Variants in MTSS2 observed in about 807,000 individuals in gnomAD.
MTSS2 encodes protein MTSS 2.
MTSS2 carries 27 observed loss-of-function variants against 67.1 expected under a neutral mutation model. The observed-to-expected ratio is 0.40, with a 90% CI of 0.30 to 0.55. MTSS2 has a LOEUF of 0.55. MTSS2 is among the 20% of genes least tolerant of loss of function. The pLI is 0.43. For synonymous variants in MTSS2, 624 were observed against 468.6 expected (o/e 1.33, Z -4.28); for missense variants, 1,171 against 1,067.8 (o/e 1.10, Z -1.35).
intron 11 of MTSS2, among the ~76,000 whole-genome samples, chr16:70,668,535 A>G (rs1254284161): frequency 6.6e-6 from 1 of 152,242 alleles, no homozygotes; most frequent in African/African-American, 2.4e-5. Flanking sequence ...ACACACCTAC[A>G]GACACCTGAC....
chr16:70,665,650 A>G lies in MTSS2; in HGVS notation c.1054-110T>C. 2.2e-6 allele frequency: 2 copies of G among 908,002 alleles called. 1 individual carries two copies. The highest frequency in any genetic ancestry group is 3.3e-5 in the African/African-American group (2 of 60,544). The allele number at this position is 908,002 out of a possible 1,614,324, so 56.2% of individuals were successfully genotyped here. On this transcript the variant is annotated intron_variant, in intron 11 of 14. Transcript: ENST00000338779. ...GAGCTGGCATGCAGGGGGGCGGTTC[A>G]ATTCAGCGCCTTGCCCAGCACCCAC...
At position 70,679,800 on chromosome 16, in the gene MTSS2, T is replaced by C; in HGVS notation, c.368A>G (p.Lys123Arg). 1 of 1,610,940 alleles carries C rather than the reference T, an allele frequency of 6.2e-7. No individual in the cohort carries two copies. Among genetic ancestry groups the C allele is most frequent in the Non-Finnish European group, 8.5e-7 (1 of 1,179,640 alleles). Residue 123 changes from lysine to arginine, a missense_variant, in exon 5 of 15, where the codon AAG (lysine) becomes AGG (arginine). This residue lies in a region of MTSS2 where 247 missense variants were observed against 311.8 expected (regional missense o/e 0.79). Coordinates refer to ENST00000338779, the MANE Select transcript of MTSS2 (RefSeq NM_138383.3). ...GCCACCCTCACCTTTCGCGTGGTCC[T>C]TGTCCAGCTGGTTGGCCGCCTTCTT... Reference protein sequence around the residue: ...DWKKAANQLDKDHAKEYKRAR... With the variant: ...DWKKAANQLDRDHAKEYKRAR...
intron 11 of MTSS2, among the ~76,000 whole-genome samples, chr16:70,672,048 A>C (rs765890475): frequency 5.1e-4 from 78 of 152,194 alleles, no homozygotes; most frequent in African/African-American, 9.7e-4. Context: ...ACCAACACGA[A>C]ACACTATGTA....
chr16:70,665,366 C>T, intron 12 of MTSS2, 100 bp downstream of exon 12: 1 of 1,299,616 alleles, frequency 7.7e-7, no homozygotes, highest in Non-Finnish European at 1.1e-6. Context: ...GCACCCCTGG[C>T]TGAACCCAGG....
In MTSS2 at chr16:70,665,644, C is replaced by T. The variant is rs149207938; in HGVS notation, c.1054-104G>A. ...GTCACAGAGCTGGCATGCAGGGGGG[C>T]GGTTCAATTCAGCGCCTTGCCCAGC... On this transcript the variant is annotated intron_variant, in intron 11 of 14. Coordinates refer to ENST00000338779, the MANE Select transcript of MTSS2 (RefSeq NM_138383.3). 7.8e-3 allele frequency: 7,597 copies of T among 975,344 alleles called. 38 individuals carry two copies. The highest frequency in any genetic ancestry group is 9.9e-3 in the Non-Finnish European group (6,518 of 661,710). 60.4% of individuals were successfully genotyped at this position (975,344 alleles called of 1,614,324 possible).
chr16:70,664,925 C>T lies in MTSS2; in HGVS notation c.1300G>A (p.Ala434Thr). The T allele has an allele frequency of 1.3e-6, 2 of 1,546,876 alleles. No homozygotes were observed. The highest frequency in any genetic ancestry group is 1.7e-6 in the Non-Finnish European group (2 of 1,151,630). ...RPRMSPATIA[A>T]KHGEEVSPAA... ...GGGGGCCCTGGCCAGCCTACCTTGG[C>T]TGCGATGGTGGCAGGGGACATCCGG... is the stretch of plus-strand genomic sequence containing the variant. The change falls in exon 13 of 15, where the codon GCC becomes ACC. Residue 434 changes from alanine to threonine, a missense_variant. Ala to Thr is a moderately conservative substitution (Grantham distance 58). This residue lies in a region of MTSS2 where 924 missense variants were observed against 756.0 expected (regional missense o/e 1.22). Coordinates refer to ENST00000338779, the MANE Select transcript of MTSS2 (RefSeq NM_138383.3).
At position 70,678,313 on chromosome 16, in the gene MTSS2, C is replaced by A; in HGVS notation, c.563G>T (p.Arg188Leu). The A allele has an allele frequency of 6.2e-7, 1 of 1,612,626 alleles. No homozygotes were observed. The highest frequency in any genetic ancestry group is 8.5e-7 in the Non-Finnish European group (1 of 1,179,992). Reference protein sequence around the residue: ...LEETEKQAVRRALIEERGRFC... With the variant: ...LEETEKQAVRLALIEERGRFC... ...GCGGCCCCGCTCCTCGATCAGCGCCCGGCGCACGGCCTGCTTCTCCGTCTC... is the reference window on the plus strand; with the variant it reads ...GCGGCCCCGCTCCTCGATCAGCGCCAGGCGCACGGCCTGCTTCTCCGTCTC... The change falls in exon 8 of 15, where the codon CGG becomes CTG. Residue 188 changes from arginine to leucine, a missense_variant. Arg to Leu is a moderately radical substitution (Grantham distance 102, BLOSUM62 -2). This residue lies in a region of MTSS2 where 247 missense variants were observed against 311.8 expected (regional missense o/e 0.79). Coordinates refer to ENST00000338779, the MANE Select transcript of MTSS2 (RefSeq NM_138383.3).
Position 70,676,733 on chromosome 16 carries a change from C to T in MTSS2, c.830+148G>A. The T allele has an allele frequency of 6.0e-6, 4 of 666,686 alleles. No homozygotes were observed. The South Asian group carries it at 7.3e-5, about 12-fold the overall frequency. The allele number at this position is 666,686 out of a possible 1,614,324, so 41.3% of individuals were successfully genotyped here. ...GTCTTGGGATGACAGGGCACATTTT[C>T]CCTCTACATATGCAAATTCCTCGGA... On this transcript the variant is annotated intron_variant, in intron 10 of 14. Coordinates refer to ENST00000338779, the MANE Select transcript of MTSS2 (RefSeq NM_138383.3).
chr16:70,665,721 A>C (rs763827700), intron 11 of MTSS2, 181 bp from the exon 12 acceptor site: 2 of 562,340 alleles, frequency 3.6e-6, no homozygotes, highest in Non-Finnish European at 6.3e-6. Context: ...GCAGCAGCAC[A>C]CAGCAGCCCA....
chr16:70,669,561 A>G (rs2052848599), intron 11 of MTSS2, among the ~76,000 whole-genome samples: 1 of 152,104 alleles, frequency 6.6e-6, no homozygotes, highest in Non-Finnish European at 1.5e-5. Flanking sequence ...CATGCCTGTA[A>G]TCCCAGCACT....
intron 11 of MTSS2, among the ~76,000 whole-genome samples, chr16:70,670,131 T>A (rs774220508): frequency 6.6e-6 from 1 of 151,682 alleles, no homozygotes; most frequent in Non-Finnish European, 1.5e-5. Context: ...ATTAGCCAGG[T>A]GTGGTGGCAT....
chr16:70,663,512 G>GT lies in MTSS2; in HGVS notation c.*164dup. On this transcript the variant is annotated 3_prime_UTR_variant, in exon 15 of 15. Coordinates refer to ENST00000338779, the MANE Select transcript of MTSS2 (RefSeq NM_138383.3). Reference sequence around the variant, plus strand: ...CAGGCTTGCTAAGAAGTCACTTCCTGTTTAAATGCTGGAATCCAAGTGAGG... The same window carrying GT: ...CAGGCTTGCTAAGAAGTCACTTCCTGTTTTAAATGCTGGAATCCAAGTGAGG... 7.6e-7 allele frequency: 1 copy of GT among 1,318,004 alleles called. No homozygotes were observed. The highest frequency in any genetic ancestry group is 1.6e-5 in the South Asian group (1 of 63,970). 81.6% of individuals were successfully genotyped at this position (1,318,004 alleles called of 1,614,324 possible). A position where few individuals can be genotyped will look rare whatever the true frequency, so the allele number is the denominator to read the frequency against.
chr16:70,664,531 G>T, intron 14 of MTSS2, 67 bp downstream of exon 14: 1 of 1,580,406 alleles, frequency 6.3e-7, no homozygotes. Context: ...AGAGGGGGAA[G>T]GACGGGGCCC....
chr16:70,667,856 G>C (rs1353695934), intron 11 of MTSS2, among the ~76,000 whole-genome samples: 1 of 152,028 alleles, frequency 6.6e-6, no homozygotes, highest in African/African-American at 2.4e-5. Context: ...CTGGGTGACA[G>C]AGTGAGACTC....
Position 70,674,317 on chromosome 16 carries a change from T to A in MTSS2, c.1042A>T (p.Ile348Phe). ...SKPPSPMPSD[I>F]TSQKSSSSAS... ...TAACGCCCCCTCACCTGGCTGGTGA[T>A]GTCTGAAGGCATAGGCGAGGGGGGC... The change falls in exon 11 of 15, where the codon ATC becomes TTC. Residue 348 changes from isoleucine to phenylalanine, a missense_variant. By Grantham distance (21) the Ile-to-Phe change is conservative. Around this residue, in one of 2 missense-constraint regions of MTSS2, gnomAD observed 924 missense variants for 756.0 expected, o/e 1.22. Transcript: ENST00000338779. The A allele has an allele frequency of 1.2e-6, 2 of 1,613,592 alleles. No individual in the cohort carries two copies. Among genetic ancestry groups the A allele is most frequent in the Non-Finnish European group, 1.7e-6 (2 of 1,179,916 alleles).
chr16:70,665,748 C>T (rs1232936494), intron 11 of MTSS2: 9 of 498,968 alleles, frequency 1.8e-5, no homozygotes, highest in East Asian at 3.4e-5. Context: ...ACACGGTGAA[C>T]GCTGACCCAC....
chr16:70,666,797 A>G (rs1249619553), intron 11 of MTSS2, among the ~76,000 whole-genome samples: 1 of 152,250 alleles, frequency 6.6e-6, no homozygotes, highest in Non-Finnish European at 1.5e-5. Context: ...AAAACAATAC[A>G]AAGACACAAG....
rs761465838 is a variant in MTSS2 at position 70,679,850 on chromosome 16, C to A, written c.318G>T (p.Pro106=). ...TCCAGTCCTCGATGCGCTCCTGCAG[C>A]GGGTTGATGAGGCTCTCCAGCAGTG... is the stretch of plus-strand genomic sequence containing the variant. ...TNALLESLIN[P]LQERIEDWKK... is the part of the protein sequence containing the mutation. The change falls in exon 5 of 15, where the codon CCG becomes CCT. Residue 106 remains proline (P), a synonymous_variant. Coordinates refer to ENST00000338779, the MANE Select transcript of MTSS2 (RefSeq NM_138383.3). 4 of 1,604,254 alleles carry A rather than the reference C, an allele frequency of 2.5e-6. No individual in the cohort carries two copies. The highest frequency in any genetic ancestry group is 3.4e-6 in the Non-Finnish European group (4 of 1,179,416).
intron 7 of MTSS2, among the ~76,000 whole-genome samples, 167 bp downstream of exon 7, chr16:70,679,148 C>T (rs983666628): frequency 1.8e-4 from 27 of 152,066 alleles, no homozygotes; most frequent in Non-Finnish European, 3.1e-4. Context: ...CCAGGGACCC[C>T]GGGGGCCCCA....
Sources: allele counts gnomAD v4.1 joint callset (sites outside exome capture counted in the v4.1 genomes callset), GRCh38; gene constraint gnomAD v4.1.1; regional missense constraint gnomAD v4.1.1; transcripts MANE v1.5; gene names NCBI Gene and HGNC (gene_info 2026-07-23, HGNC 2026-07-21).